The following AGBL4 variants were observed in gnomAD, a reference collection of about 807,000 sequenced individuals.
AGBL4 encodes the protein cytosolic carboxypeptidase 6.
In AGBL4, 58 loss-of-function variants were observed where a neutral mutation model predicts 66.4. The ratio of observed to expected loss-of-function variants is 0.87; its 90% CI spans 0.71 to 1.09. The LOEUF (loss-of-function observed/expected upper bound fraction) is 1.09, where lower values mean the gene tolerates loss of function less well. AGBL4 is among the 50% of genes least tolerant of loss of function. AGBL4 has a pLI of 0.00. For synonymous variants in AGBL4, 234 were observed against 222.9 expected (o/e 1.05, Z -0.44); for missense variants, 579 against 631.0 (o/e 0.92, Z 0.88).
chr1:49,098,140 A>G (rs1333691982), intron 4 of AGBL4, among the ~76,000 whole-genome samples: 2 of 152,180 alleles, frequency 1.3e-5, no homozygotes, highest in Non-Finnish European at 2.9e-5. Flanking sequence ...ATAACAAATC[A>G]CTTCACTCTA....
intron 4 of AGBL4, among the ~76,000 whole-genome samples, chr1:49,188,829 C>T (rs1443219984): frequency 6.6e-6 from 1 of 152,072 alleles, no homozygotes; most frequent in African/African-American, 2.4e-5. Flanking sequence ...AATATTAATG[C>T]CGGTTGGTTT....
chr1:48,946,555 G>A (rs1448057271), intron 5 of AGBL4, among the ~76,000 whole-genome samples: 1 of 152,188 alleles, frequency 6.6e-6, no homozygotes, highest in East Asian at 1.9e-4. Flanking sequence ...GGGTGGCTGA[G>A]CATTATAAAG....
chr1:48,952,706 G>A (rs1657103553), intron 5 of AGBL4, among the ~76,000 whole-genome samples: 1 of 152,186 alleles, frequency 6.6e-6, no homozygotes, highest in South Asian at 2.1e-4. Context: ...ATGTAGATAG[G>A]TGGAAGATGA....
At chr1:49,798,887 T>C (rs1485144322) in intron 2 of AGBL4, among the ~76,000 whole-genome samples, 1 of 152,176 alleles carries the variant, frequency 6.6e-6, no homozygotes, top group African/African-American at 2.4e-5. Flanking sequence ...TAGTTAAGTG[T>C]TTGGTTGCAG....
At chr1:48,712,758 G>A (rs1163574984) in intron 6 of AGBL4, among the ~76,000 whole-genome samples, 1 of 152,152 alleles carries the variant, frequency 6.6e-6, no homozygotes, top group Non-Finnish European at 1.5e-5. Flanking sequence ...TGGAGCTCAG[G>A]GCTCATGTTT....
At chr1:49,628,331 C>T (rs188762820) in intron 3 of AGBL4, among the ~76,000 whole-genome samples, 65 of 152,230 alleles carry the variant, frequency 4.3e-4, no homozygotes, top group South Asian at 4.1e-4. Context: ...GGACCTGCCA[C>T]AGGTCCCAAT....
chr1:48,689,646 A>C (rs1308671025), intron 6 of AGBL4, among the ~76,000 whole-genome samples: 1 of 152,174 alleles, frequency 6.6e-6, no homozygotes, highest in African/African-American at 2.4e-5. Flanking sequence ...GGAACTTATC[A>C]CACCATGTTA....
chr1:48,811,405 G>A (rs1333570827), intron 6 of AGBL4, among the ~76,000 whole-genome samples: 1 of 152,174 alleles, frequency 6.6e-6, no homozygotes, highest in African/African-American at 2.4e-5. Context: ...CCAATTTTGT[G>A]CCTTCTGTAT....
At chr1:49,378,729 C>CA (rs1644525070) in intron 3 of AGBL4, among the ~76,000 whole-genome samples, 1 of 152,124 alleles carries the variant, frequency 6.6e-6, no homozygotes, top group African/African-American at 2.4e-5. Flanking sequence ...GGAAAAGCCC[C>CA]AGACTGTGAT....
intron 4 of AGBL4, among the ~76,000 whole-genome samples, chr1:49,245,257 TACACACACACACACAC>T (rs139244286): frequency 2.9e-5 from 4 of 139,076 alleles, no homozygotes; most frequent in Admixed American, 1.5e-4. Context: ...AACTTTAAAA[TACACACACACACACAC>T]ACACACACAC....
chr1:48,926,670 T>C (rs938895684), intron 5 of AGBL4, among the ~76,000 whole-genome samples: 1 of 152,128 alleles, frequency 6.6e-6, no homozygotes, highest in African/African-American at 2.4e-5. Flanking sequence ...AGGAAACTGA[T>C]ATATGTATAA....
intron 5 of AGBL4, among the ~76,000 whole-genome samples, chr1:48,882,216 T>C (rs938147476): frequency 1.3e-5 from 2 of 152,238 alleles, no homozygotes; most frequent in African/African-American, 4.8e-5. Context: ...ATGCTGCCCC[T>C]GTCTGTCTGT....
intron 3 of AGBL4, among the ~76,000 whole-genome samples, chr1:49,594,043 A>T (rs1644804546): frequency 6.6e-6 from 1 of 152,196 alleles, no homozygotes; most frequent in African/African-American, 2.4e-5. Context: ...TGCATACTCC[A>T]GTCCCTCAGG....
chr1:50,009,106 A>G (rs181101005), intron 1 of AGBL4, among the ~76,000 whole-genome samples: 6 of 152,308 alleles, frequency 3.9e-5, no homozygotes, highest in African/African-American at 1.4e-4. Flanking sequence ...ATTTTGAAAA[A>G]CAGAGGAGAA....
intron 9 of AGBL4, among the ~76,000 whole-genome samples, chr1:48,604,023 C>T (rs12140661): frequency 0.023 from 3,494 of 152,150 alleles, 56 homozygotes; most frequent in Non-Finnish European, 0.036. Flanking sequence ...ATCTCAGCAA[C>T]CTGGGAGGCT....
intron 2 of AGBL4, among the ~76,000 whole-genome samples, chr1:49,835,703 C>T (rs971738498): frequency 7.2e-5 from 11 of 152,150 alleles, no homozygotes; most frequent in Non-Finnish European, 1.3e-4. Flanking sequence ...TTTGCAGTGG[C>T]TGGTACCAGT....
chr1:49,565,284 A>T (rs1211428766), intron 3 of AGBL4, among the ~76,000 whole-genome samples: 1 of 152,098 alleles, frequency 6.6e-6, no homozygotes, highest in African/African-American at 2.4e-5. Flanking sequence ...CTTTTAATTG[A>T]AGCATTTAGC....
chr1:49,140,690 G>A (rs1646100774), intron 4 of AGBL4, among the ~76,000 whole-genome samples: 1 of 152,216 alleles, frequency 6.6e-6, no homozygotes, highest in Non-Finnish European at 1.5e-5. Flanking sequence ...AGGAGATAAG[G>A]ACTTCTTGGA....
chr1:49,328,699 T>C (rs1372274663), intron 3 of AGBL4, among the ~76,000 whole-genome samples: 1 of 152,186 alleles, frequency 6.6e-6, no homozygotes, highest in Admixed American at 6.5e-5. Context: ...CTTAAGTCCA[T>C]GTGCTTACCT....
Sources: allele counts gnomAD v4.1 joint callset (sites outside exome capture counted in the v4.1 genomes callset), GRCh38; gene constraint gnomAD v4.1.1; transcripts MANE v1.5; gene names NCBI Gene and HGNC (gene_info 2026-07-23, HGNC 2026-07-21).